SCAMP1: variants seen among roughly 807,000 people sequenced by gnomAD.
SCAMP1 encodes secretory carrier membrane protein 1, also known as secretory carrier-associated membrane protein 1.
A neutral mutation model predicts 41.8 loss-of-function variants in SCAMP1; 15 were observed. That is an observed-to-expected ratio of 0.36 (90% CI 0.24 to 0.55). SCAMP1 has a LOEUF of 0.55. Ranked by LOEUF, SCAMP1 falls within the 20% of genes least tolerant of loss-of-function variation. The pLI is 0.86. For synonymous variants in SCAMP1, 135 were observed against 136.8 expected, an observed-to-expected ratio of 0.99 and a Z score of 0.09; for missense variants, 341 against 412.6, an observed-to-expected ratio of 0.83 and a Z score of 1.50.
chr5:78,464,345 T>C (rs1321672962), intron 8 of SCAMP1, among the ~76,000 whole-genome samples: 3 of 152,122 alleles, frequency 2.0e-5, no homozygotes, highest in African/African-American at 7.2e-5. Context: ...GGTTTCACCA[T>C]GTTGGCCAGG....
Position 78,415,521 on chromosome 5 carries a change from C to T in SCAMP1, c.137C>T (p.Pro46Leu), listed in dbSNP as rs1752189460. 1 of 1,592,698 alleles carries T rather than the reference C, an allele frequency of 6.3e-7. No individual in the cohort carries two copies. The highest frequency in any genetic ancestry group is 8.6e-7 in the Non-Finnish European group (1 of 1,166,308). ...TTTTCCTTCTCTTAATCCTCCTAGC[C>T]TCCACCAGGCGGTGTGAAGATGCCT... ...EYNPFSDSRT[P>L]PPGGVKMPNV... The change falls in exon 3 of 9, where the codon CCT becomes CTT. Residue 46 changes from proline to leucine, a missense_variant and splice_region_variant. Coordinates refer to ENST00000621999, the MANE Select transcript of SCAMP1 (RefSeq NM_004866.6).
intron 1 of SCAMP1, among the ~76,000 whole-genome samples, chr5:78,363,793 T>C (rs538509708): frequency 5.3e-4 from 81 of 152,326 alleles, no homozygotes; most frequent in South Asian, 4.8e-3. Context: ...CTTGTAAGGC[T>C]ATTTGCTGGA....
intron 5 of SCAMP1, 150 bp from the exon 6 acceptor site, chr5:78,421,651 T>C: frequency 1.4e-6 from 1 of 704,512 alleles, no homozygotes; most frequent in East Asian, 2.6e-5. Context: ...ATATGTAAGA[T>C]ACAACAGTGT....
intron 1 of SCAMP1, among the ~76,000 whole-genome samples, chr5:78,368,527 A>G (rs1489375099): frequency 1.3e-5 from 2 of 152,206 alleles, no homozygotes; most frequent in African/African-American, 4.8e-5. Flanking sequence ...TTGCTGAAAA[A>G]TATATATTGG....
At chr5:78,390,474 T>C (rs1318097692) in intron 2 of SCAMP1, among the ~76,000 whole-genome samples, 2 of 152,132 alleles carry the variant, frequency 1.3e-5, no homozygotes, top group Non-Finnish European at 2.9e-5. Flanking sequence ...AACCTTATAA[T>C]GAATTAGTGC....
At position 78,479,394 on chromosome 5, in the gene SCAMP1, AGTT is replaced by A. The variant is rs1361863596; in HGVS notation, c.*3730_*3732del. On this transcript the variant is annotated 3_prime_UTR_variant, in exon 9 of 9. Coordinates refer to ENST00000621999, the MANE Select transcript of SCAMP1 (RefSeq NM_004866.6). Reference sequence around the variant, plus strand: ...AGTAGACTAATGTGTTTAAAACATGAGTTGTTTTAAATACTTTTTTATTGAGCT... The same window carrying A: ...AGTAGACTAATGTGTTTAAAACATGAGTTTTAAATACTTTTTTATTGAGCT... Among the ~76,000 whole-genome samples, 1 of 152,224 alleles carries A rather than the reference AGTT, an allele frequency of 6.6e-6. No individual in the cohort carries two copies. The highest frequency in any genetic ancestry group is 1.5e-5 in the Non-Finnish European group (1 of 68,038).
chr5:78,415,474 G>A (rs1752188384), intron 2 of SCAMP1, 46 bp from the exon 3 acceptor site: 2 of 1,166,378 alleles, frequency 1.7e-6, no homozygotes, highest in Admixed American at 2.2e-5. Flanking sequence ...AGAAGTTAAA[G>A]TTGGATCTCT....
At chr5:78,431,358 A>G (rs1202420786) in intron 6 of SCAMP1, among the ~76,000 whole-genome samples, 7 of 151,608 alleles carry the variant, frequency 4.6e-5, no homozygotes, top group Admixed American at 4.6e-4. Flanking sequence ...CAAAAAAGCT[A>G]CTTTATATAT....
At position 78,424,634 on chromosome 5, in the gene SCAMP1, C is replaced by T. The variant is rs1316204116; in HGVS notation, c.632+2674C>T. The stretch of plus-strand genomic sequence containing the variant: ...TAATCCCAGCTCGAGGCAGGAGAAT[C>T]GCCTGAACCCGGGAGGCAGAGGTTG... On this transcript the variant is annotated intron_variant, in intron 6 of 8. Coordinates refer to ENST00000621999, the MANE Select transcript of SCAMP1 (RefSeq NM_004866.6). 2.6e-5 allele frequency among the ~76,000 whole-genome samples: 4 copies of T among 151,994 alleles called. No homozygotes were observed. The East Asian group carries it at 5.8e-4, about 22-fold the overall frequency.
At chr5:78,456,877 C>G (rs1297385400) in intron 7 of SCAMP1, among the ~76,000 whole-genome samples, 2 of 109,346 alleles carry the variant, frequency 1.8e-5, no homozygotes, top group Admixed American at 8.5e-5. Context: ...GGAGGCTTTG[C>G]TCATTTCTTT....
At chr5:78,408,151 G>A (rs949174714) in intron 2 of SCAMP1, among the ~76,000 whole-genome samples, 1 of 152,124 alleles carries the variant, frequency 6.6e-6, no homozygotes, top group Non-Finnish European at 1.5e-5. Flanking sequence ...GAGTTTTAAT[G>A]GACTTGCAGT....
intron 6 of SCAMP1, among the ~76,000 whole-genome samples, chr5:78,446,143 CACTA>C (rs776916444): frequency 9.9e-5 from 15 of 152,150 alleles, no homozygotes; most frequent in South Asian, 2.1e-4. Flanking sequence ...CAGTTTTGTA[CACTA>C]ACTGTGCATT....
intron 2 of SCAMP1, among the ~76,000 whole-genome samples, chr5:78,406,430 G>A (rs1394853826): frequency 1.3e-5 from 2 of 152,212 alleles, no homozygotes; most frequent in African/African-American, 2.4e-5. Flanking sequence ...TTCTGGAATA[G>A]GTGTTTAGAA....
chr5:78,436,980 G>C (rs10474545), intron 6 of SCAMP1, among the ~76,000 whole-genome samples: 56,276 of 151,962 alleles, frequency 0.37, 12,544 homozygotes, highest in Non-Finnish European at 0.5. Context: ...TATTCTCTTT[G>C]TAGCAGTTGT....
intron 1 of SCAMP1, among the ~76,000 whole-genome samples, chr5:78,378,504 G>C (rs1751119857): frequency 6.6e-6 from 1 of 152,182 alleles, no homozygotes; most frequent in South Asian, 2.1e-4. Context: ...TGGAGAATTT[G>C]GTAGAGAAAC....
intron 2 of SCAMP1, among the ~76,000 whole-genome samples, chr5:78,410,109 C>T (rs957166382): frequency 5.6e-5 from 8 of 143,380 alleles, no homozygotes; most frequent in Non-Finnish European, 1.1e-4. Flanking sequence ...GTGCCGGGAA[C>T]TCTTTTTCTT....
rs988149723 is a variant in SCAMP1 at position 78,388,917 on chromosome 5, A to G, written c.135+3A>G. ...ATCCATTCTCGGATTCTAGAACAGTAAGATTATTCTTGCTTTTAAATGTTT... is the reference window on the plus strand; with the variant it reads ...ATCCATTCTCGGATTCTAGAACAGTGAGATTATTCTTGCTTTTAAATGTTT... On this transcript the variant is annotated splice_donor_region_variant and intron_variant, in intron 2 of 8. Transcript: ENST00000621999. 3.5e-6 allele frequency: 5 copies of G among 1,419,660 alleles called. No individual in the cohort carries two copies. The highest frequency in any genetic ancestry group is 2.0e-5 in the Admixed American group (1 of 49,432). The allele number at this position is 1,419,660 out of a possible 1,614,324, so 87.9% of individuals were successfully genotyped here.
intron 6 of SCAMP1, among the ~76,000 whole-genome samples, chr5:78,429,274 ATT>A (rs549909589): frequency 2.2e-5 from 3 of 139,112 alleles, no homozygotes; most frequent in African/African-American, 2.6e-5. Flanking sequence ...TTGACTGTAG[ATT>A]TTTTTTTTTT....
chr5:78,445,359 TTA>T (rs1471619938), intron 6 of SCAMP1, among the ~76,000 whole-genome samples: 1 of 152,242 alleles, frequency 6.6e-6, no homozygotes, highest in Non-Finnish European at 1.5e-5. Context: ...GAGCTTTTAT[TTA>T]TGTGTTCTGA....
Sources: allele counts gnomAD v4.1 joint callset (sites outside exome capture counted in the v4.1 genomes callset), GRCh38; gene constraint gnomAD v4.1.1; transcripts MANE v1.5; gene names NCBI Gene and HGNC (gene_info 2026-07-23, HGNC 2026-07-21).